The following MTA3 variants were observed in gnomAD, a reference collection of about 807,000 sequenced individuals.
MTA3 encodes metastasis-associated protein MTA3.
In MTA3, 34 loss-of-function variants were observed where a neutral mutation model predicts 83.5. The ratio of observed to expected loss-of-function variants is 0.41; its 90% CI spans 0.31 to 0.54. The LOEUF (loss-of-function observed/expected upper bound fraction) is 0.54. MTA3 is among the 20% of genes least tolerant of loss of function. The pLI is 0.33. For missense variants in MTA3, 761 were observed against 726.4 expected (o/e 1.05, Z -0.55); for synonymous variants, 303 against 252.7 (o/e 1.20, Z -1.89).
chr2:42,497,927 A>G (rs1193469703), intron 2 of MTA3, among the ~76,000 whole-genome samples: 2 of 152,210 alleles, frequency 1.3e-5, no homozygotes, highest in East Asian at 3.8e-4. Context: ...CATGTGACCA[A>G]CAACAGAGTA....
intron 4 of MTA3, 31 bp downstream of exon 4, chr2:42,609,615 G>A: frequency 1.9e-6 from 3 of 1,570,358 alleles, no homozygotes; most frequent in Non-Finnish European, 2.6e-6. Flanking sequence ...AAGGTACTCA[G>A]TACTACGGTG....
intron 6 of MTA3, among the ~76,000 whole-genome samples, chr2:42,654,193 C>T (rs1688954467): frequency 6.6e-6 from 1 of 152,188 alleles, no homozygotes; most frequent in Non-Finnish European, 1.5e-5. Context: ...TGCCTTTGAA[C>T]CAGGGACAGA....
chr2:42,504,777 G>A (rs375408952), intron 2 of MTA3, among the ~76,000 whole-genome samples: 78 of 152,102 alleles, frequency 5.1e-4, no homozygotes, highest in Middle Eastern at 3.4e-3. Context: ...GATTACAGGC[G>A]TGAGCTACCA....
At chr2:42,514,270 G>A (rs764345563) in intron 2 of MTA3, among the ~76,000 whole-genome samples, 1 of 152,158 alleles carries the variant, frequency 6.6e-6, no homozygotes, top group African/African-American at 2.4e-5. Context: ...GGTCAAATAA[G>A]AGTTATCTAA....
At chr2:42,590,142 T>C (rs561008826) in intron 3 of MTA3, among the ~76,000 whole-genome samples, 2 of 152,272 alleles carry the variant, frequency 1.3e-5, no homozygotes, top group Non-Finnish European at 2.9e-5. Context: ...TTTGGAGACT[T>C]TGGGTACACT....
At chr2:42,705,303 A>G (rs113279034) in intron 12 of MTA3, among the ~76,000 whole-genome samples, 1 of 152,252 alleles carries the variant, frequency 6.6e-6, no homozygotes, top group African/African-American at 2.4e-5. Context: ...CATGGATAGC[A>G]TCATAAATAC....
At chr2:42,573,834 T>G (rs1573016253) in intron 2 of MTA3, among the ~76,000 whole-genome samples, 1 of 150,130 alleles carries the variant, frequency 6.7e-6, no homozygotes, top group African/African-American at 2.4e-5. Flanking sequence ...TTCTTTCTTT[T>G]TTGAGATGGA....
chr2:42,599,464 C>T (rs1368628763), intron 3 of MTA3, among the ~76,000 whole-genome samples: 1 of 151,862 alleles, frequency 6.6e-6, no homozygotes, highest in Non-Finnish European at 1.5e-5. Context: ...GGTGTGGTGG[C>T]GGGCGCCTCC....
rs145902862 is a variant in MTA3 at position 42,667,334 on chromosome 2, A to G, written c.702+7472A>G. Among the ~76,000 whole-genome samples the G allele has an allele frequency of 1.5e-4, 23 of 152,228 alleles. No individual in the cohort carries two copies. The East Asian group carries it at 3.7e-3, about 24-fold the overall frequency. On this transcript the variant is annotated intron_variant, in intron 8 of 16. Coordinates refer to ENST00000405094, the MANE Select transcript of MTA3 (RefSeq NM_001330442.2). Reference sequence around the variant, plus strand: ...ACATACATTCACATTGTTGGTAACTATTACCACCATCCATCTCTGGAACAT... The same window carrying G: ...ACATACATTCACATTGTTGGTAACTGTTACCACCATCCATCTCTGGAACAT...
At chr2:42,705,445 C>T (rs1665992458) in intron 12 of MTA3, among the ~76,000 whole-genome samples, 1 of 152,210 alleles carries the variant, frequency 6.6e-6, no homozygotes, top group Non-Finnish European at 1.5e-5. Context: ...TGGCTCATGC[C>T]TGTAATCCCA....
chr2:42,654,632 C>G (rs190772644), intron 6 of MTA3, among the ~76,000 whole-genome samples: 1 of 152,168 alleles, frequency 6.6e-6, no homozygotes, highest in East Asian at 1.9e-4. Flanking sequence ...GTTTGTGTAT[C>G]TTTTTTGTTT....
rs559182014 is a variant in MTA3 at position 42,666,279 on chromosome 2, A to AAAAAC, written c.702+6431_702+6435dup. On this transcript the variant is annotated intron_variant, in intron 8 of 16. Coordinates refer to ENST00000405094, the MANE Select transcript of MTA3 (RefSeq NM_001330442.2). The stretch of plus-strand genomic sequence containing the variant: ...GTGACAGAGCGAGACTCCATCTGAA[A>AAAAAC]AAAACAAAACAAAACAAAGCGTAAC... 2.3e-4 allele frequency among the ~76,000 whole-genome samples: 35 copies of AAAAAC among 152,316 alleles called. No individual in the cohort carries two copies. In the East Asian group the frequency reaches 5.6e-3, roughly 24 times the overall value.
Position 42,594,620 on chromosome 2 carries a change from C to T in MTA3, c.191-14838C>T, listed in dbSNP as rs991069459. ...GGATTGTATCTTAAATTTCTTATGA[C>T]TGAAGTGGAACATCTTTTTATATAT... On this transcript the variant is annotated intron_variant, in intron 3 of 16. Transcript: ENST00000405094. Among the ~76,000 whole-genome samples, 5 of 142,206 alleles carry T rather than the reference C, an allele frequency of 3.5e-5. No individual in the cohort carries two copies. In the East Asian group the frequency reaches 8.0e-4, roughly 23 times the overall value. 93.3% of individuals were successfully genotyped at this position (142,206 alleles called of 152,430 possible).
intron 4 of MTA3, among the ~76,000 whole-genome samples, chr2:42,635,805 C>CG: frequency 6.6e-6 from 1 of 152,026 alleles, no homozygotes; most frequent in African/African-American, 2.4e-5. Flanking sequence ...TTCACTCTGT[C>CG]ACCCAGGCTC....
At chr2:42,668,601 T>C (rs535839007) in intron 8 of MTA3, among the ~76,000 whole-genome samples, 1 of 152,316 alleles carries the variant, frequency 6.6e-6, no homozygotes, top group South Asian at 2.1e-4. Flanking sequence ...GCATTTGTCT[T>C]TTTCACCCAT....
intron 2 of MTA3, among the ~76,000 whole-genome samples, chr2:42,509,318 C>T (rs1378091202): frequency 1.3e-5 from 2 of 152,196 alleles, no homozygotes; most frequent in Non-Finnish European, 2.9e-5. Context: ...GCCGGGATTA[C>T]AGGTTAGAGC....
In MTA3 at chr2:42,571,386, CAAA is replaced by C. The variant is rs34003791; in HGVS notation, c.96+904_96+906del. ...TGGGTGACAGAGCAAAACACTGTCTCAAAAAAAAAAAAAAAAAAAAAAAAGTTG... is the reference window on the plus strand; with the variant it reads ...TGGGTGACAGAGCAAAACACTGTCTCAAAAAAAAAAAAAAAAAAAAAGTTG... On this transcript the variant is annotated intron_variant, in intron 2 of 16. Transcript: ENST00000405094. Among the ~76,000 whole-genome samples, 75 of 63,790 alleles carry C rather than the reference CAAA, an allele frequency of 1.2e-3. 1 individual carries two copies. The highest frequency in any genetic ancestry group is 4.4e-3 in the African/African-American group (65 of 14,778). The allele number at this position is 63,790 out of a possible 152,430, so 41.8% of individuals were successfully genotyped here. A position where few individuals can be genotyped will look rare whatever the true frequency, so the allele number is the denominator to read the frequency against.
intron 16 of MTA3, among the ~76,000 whole-genome samples, chr2:42,741,936 C>A (rs542703028): frequency 6.6e-6 from 1 of 151,996 alleles, no homozygotes; most frequent in Non-Finnish European, 1.5e-5. Flanking sequence ...TGCAGAGTTG[C>A]CAACAAAGCT....
intron 8 of MTA3, among the ~76,000 whole-genome samples, chr2:42,666,093 C>T (rs1312059896): frequency 3.9e-5 from 6 of 152,080 alleles, no homozygotes; most frequent in East Asian, 1.9e-4. Flanking sequence ...CTGGCTAACA[C>T]GGTGAAACCC....
Sources: gnomAD v4.1 joint callset for allele counts (sites outside exome capture counted in the v4.1 genomes callset) on GRCh38, gnomAD v4.1.1 for gene constraint, MANE v1.5 for transcripts, NCBI Gene and HGNC (gene_info 2026-07-23, HGNC 2026-07-21) for gene names.